Variants in EYS observed in about 807,000 individuals in gnomAD.
EYS encodes the protein EGF-like photoreceptor maintenance factor.
Under a neutral mutation model 282.1 loss-of-function variants are expected in EYS, and 250 were observed. The observed-to-expected ratio is 0.89, with a 90% CI of 0.80 to 0.98. EYS has a LOEUF of 0.98. EYS is among the 50% of genes least tolerant of loss of function. The pLI, the probability that EYS is intolerant of heterozygous loss-of-function variation, is 0.00. For missense variants in EYS, 4,016 were observed against 3,709.0 expected (o/e 1.08, Z -2.15); for synonymous variants, 1,355 against 1,282.9 (o/e 1.06, Z -1.20).
At chr6:64,384,791 A>G (rs1255163238) in intron 29 of EYS, among the ~76,000 whole-genome samples, 1 of 152,172 alleles carries the variant, frequency 6.6e-6, no homozygotes, top group Admixed American at 6.5e-5. Flanking sequence ...TTCACACCCC[A>G]GGCACAAAAT....
intron 30 of EYS, among the ~76,000 whole-genome samples, chr6:64,293,662 A>AT (rs566648806): frequency 5.3e-5 from 8 of 151,962 alleles, no homozygotes; most frequent in Admixed American, 3.9e-4. Context: ...CTTGTAGTTA[A>AT]TTTTTTTTAA....
At chr6:64,317,207 C>T (rs1449157864) in intron 29 of EYS, among the ~76,000 whole-genome samples, 9 of 151,856 alleles carry the variant, frequency 5.9e-5, no homozygotes, top group Non-Finnish European at 1.3e-4. Context: ...CCAAAATAGA[C>T]AAATGACATC....
In EYS at chr6:63,806,253, G is replaced by A. The variant is rs1239568794; in HGVS notation, c.7348C>T (p.Leu2450=). 6.4e-7 allele frequency: 1 copy of A among 1,551,588 alleles called. No individual in the cohort carries two copies. The highest frequency in any genetic ancestry group is 2.0e-5 in the Admixed American group (1 of 51,010). ...TGCAGTGCTGAGTGGTTGTTTGCCA[G>A]CTGAAACTTCAGGTGGAATTCATAA... ...FHYEFHLKFQ[L]ANNHSALQNN... Residue 2450 remains leucine (L), a synonymous_variant, in exon 37 of 43, where the codon CTG becomes TTG. Transcript: ENST00000503581.
At chr6:64,304,238 G>A (rs1769352174) in intron 30 of EYS, among the ~76,000 whole-genome samples, 1 of 152,056 alleles carries the variant, frequency 6.6e-6, no homozygotes, top group African/African-American at 2.4e-5. Flanking sequence ...AGCTTCTGTG[G>A]GACAGACCTG....
At chr6:64,153,892 T>C (rs554271533) in intron 31 of EYS, among the ~76,000 whole-genome samples, 7 of 152,260 alleles carry the variant, frequency 4.6e-5, no homozygotes, top group African/African-American at 1.7e-4. Flanking sequence ...TACAAACAAT[T>C]GGAGAGCATA....
At chr6:65,592,550 C>T (rs1765265864) in intron 2 of EYS, among the ~76,000 whole-genome samples, 1 of 151,948 alleles carries the variant, frequency 6.6e-6, no homozygotes, top group Non-Finnish European at 1.5e-5. Context: ...AAGTGATTGA[C>T]ATATGCTATC....
In EYS at chr6:65,441,709, C is replaced by T. The variant is rs542320178; in HGVS notation, c.863-36342G>A. On this transcript the variant is annotated intron_variant, in intron 5 of 42. Coordinates refer to ENST00000503581, the MANE Select transcript of EYS (RefSeq NM_001142800.2). ...CAACCTACAAAATAGGTAAAGTAAGCAAAGTCAACCTAAAAACACAGAACT... is the reference window on the plus strand; with the variant it reads ...CAACCTACAAAATAGGTAAAGTAAGTAAAGTCAACCTAAAAACACAGAACT... Among the ~76,000 whole-genome samples the T allele has an allele frequency of 3.3e-5, 5 of 152,052 alleles. No individual in the cohort carries two copies. In the South Asian group the frequency reaches 1.0e-3, roughly 32 times the overall value.
In EYS at chr6:63,721,783, T is replaced by G. The variant is rs200962604; in HGVS notation, c.8248A>C (p.Ile2750Leu). 1 of 1,542,064 alleles carries G rather than the reference T, an allele frequency of 6.5e-7. No individual in the cohort carries two copies. Among genetic ancestry groups the G allele is most frequent in the South Asian group, 1.2e-5 (1 of 82,200 alleles). The change falls in exon 43 of 43, where the codon ATC (isoleucine) becomes CTC (leucine). Residue 2750 changes from isoleucine (I) to leucine (L), a missense_variant. Coordinates refer to ENST00000503581, the MANE Select transcript of EYS (RefSeq NM_001142800.2). ...LKAQSGDFLC[I>L]SLVNSSVQLR... ...TGAACGGAACTATTTACTAAAGAGA[T>G]GCATAAAAAATCACCTGCAAGAAAG...
At chr6:64,490,693 A>G (rs1776710296) in intron 26 of EYS, among the ~76,000 whole-genome samples, 1 of 150,884 alleles carries the variant, frequency 6.6e-6, no homozygotes, top group Admixed American at 6.6e-5. Context: ...TAGACAGACG[A>G]AAGATTCATA....
intron 35 of EYS, among the ~76,000 whole-genome samples, chr6:63,934,141 A>G (rs1269557657): frequency 1.3e-5 from 2 of 152,242 alleles, no homozygotes; most frequent in African/African-American, 4.8e-5. Flanking sequence ...CAAAAGACAC[A>G]TGAAAAAATG....
chr6:64,439,470 T>A (rs968927704), intron 26 of EYS, 118 bp from the exon 27 acceptor site: 25 of 594,796 alleles, frequency 4.2e-5, no homozygotes, highest in Non-Finnish European at 6.4e-5. Flanking sequence ...TTCCTGCCTC[T>A]TTCAAGCCCA....
At chr6:64,855,035 G>T (rs1394073927) in intron 19 of EYS, among the ~76,000 whole-genome samples, 1 of 151,960 alleles carries the variant, frequency 6.6e-6, no homozygotes, top group Non-Finnish European at 1.5e-5. Flanking sequence ...AAAGTCAACT[G>T]TTTTTATTTT....
intron 2 of EYS, among the ~76,000 whole-genome samples, chr6:65,598,234 A>AC (rs377147776): frequency 8.2e-3 from 97 of 11,818 alleles, no homozygotes; most frequent in East Asian, 0.057. Flanking sequence ...CCTCCTCCCC[A>AC]CCCACCCCCC....
At chr6:64,751,956 A>G (rs545076800) in intron 22 of EYS, among the ~76,000 whole-genome samples, 2 of 152,264 alleles carry the variant, frequency 1.3e-5, no homozygotes, top group South Asian at 4.1e-4. Flanking sequence ...CACAACATAC[A>G]TTATAATCAC....
chr6:65,184,128 G>A (rs182720567), intron 12 of EYS, among the ~76,000 whole-genome samples: 31 of 151,906 alleles, frequency 2.0e-4, no homozygotes, highest in African/African-American at 7.2e-4. Flanking sequence ...AAGTAAAGTC[G>A]CATAAAACAT....
intron 26 of EYS, among the ~76,000 whole-genome samples, chr6:64,447,452 A>T (rs1775151500): frequency 7.1e-6 from 1 of 141,552 alleles, no homozygotes; most frequent in South Asian, 2.3e-4. Flanking sequence ...TGCTTCTTGA[A>T]ATTCTGATTT....
intron 30 of EYS, among the ~76,000 whole-genome samples, chr6:64,239,748 C>T (rs1766734844): frequency 6.6e-6 from 1 of 152,036 alleles, no homozygotes. Flanking sequence ...TGCTGAAGCT[C>T]TTTAGTTTAA....
chr6:65,310,590 C>T (rs1769130270), intron 11 of EYS, among the ~76,000 whole-genome samples: 3 of 152,110 alleles, frequency 2.0e-5, no homozygotes, highest in Non-Finnish European at 2.9e-5. Flanking sequence ...GTGACCTTGT[C>T]GTGTCTACCT....
chr6:64,045,018 A>G (rs1436563829), intron 33 of EYS, among the ~76,000 whole-genome samples: 1 of 152,210 alleles, frequency 6.6e-6, no homozygotes, highest in Non-Finnish European at 1.5e-5. Flanking sequence ...AGATTGTCTC[A>G]TTGTAATCAA....
Sources: gnomAD v4.1 joint callset for allele counts (sites outside exome capture counted in the v4.1 genomes callset) on GRCh38, gnomAD v4.1.1 for gene constraint, MANE v1.5 for transcripts, NCBI Gene and HGNC (gene_info 2026-07-23, HGNC 2026-07-21) for gene names.